Variants in COL15A1 observed in about 807,000 individuals in gnomAD.
COL15A1 encodes collagen type XV alpha 1 chain, also known as collagen alpha-1(XV) chain.
Under a neutral mutation model 165.9 loss-of-function variants are expected in COL15A1, and 111 were observed. The observed-to-expected ratio is 0.67, with a 90% confidence interval of 0.57 to 0.78. The LOEUF is 0.78. Ranked by LOEUF, COL15A1 falls within the 30% of genes least tolerant of loss-of-function variation. The pLI is 0.00. For missense variants in COL15A1, 1,745 were observed against 1,789.7 expected (o/e 0.98, Z 0.45); for synonymous variants, 659 against 674.8 (o/e 0.98, Z 0.36).
At chr9:99,044,832 AT>A (rs1391277595) in intron 26 of COL15A1, 62 bp downstream of exon 26, 1 of 1,445,190 alleles carries the variant, frequency 6.9e-7, no homozygotes, top group African/African-American at 1.4e-5. Context: ...TCATACTTTG[AT>A]TTGGTTAGAT....
chr9:98,977,648 G>A (rs910335159), intron 2 of COL15A1, among the ~76,000 whole-genome samples: 7 of 151,882 alleles, frequency 4.6e-5, no homozygotes, highest in Admixed American at 1.3e-4. Context: ...CCCTCTTGGC[G>A]GACTCTGTGG....
intron 8 of COL15A1, among the ~76,000 whole-genome samples, chr9:99,004,122 G>A (rs750430490): frequency 7.9e-5 from 12 of 152,174 alleles, no homozygotes; most frequent in Admixed American, 5.2e-4. Context: ...GGCTGGAGAG[G>A]CTCTAAGGAC....
intron 24 of COL15A1, 91 bp downstream of exon 24, chr9:99,042,198 TC>T (rs914752331): frequency 5.4e-5 from 48 of 882,200 alleles, no homozygotes; most frequent in Non-Finnish European, 8.4e-5. Context: ...ACTTTTCTCT[TC>T]TTTGAGATAC....
rs765252537 is a variant in COL15A1 at position 99,003,482 on chromosome 9, C to T, written c.1095C>T (p.Ala365=). ...KNLAATAAGL[A]EVPISTAGEA... is the part of the protein sequence containing the mutation. ...TAGCAGCAACAGCAGCGGGGCTGGC[C>T]GAGGTGCCCATCAGCACTGCTGGAG... is the stretch of plus-strand genomic sequence containing the variant. The change falls in exon 8 of 42, where the codon GCC becomes GCT. Residue 365 remains alanine (A), a synonymous_variant. Transcript: ENST00000375001. 1.5e-5 allele frequency: 23 copies of T among 1,539,726 alleles called. No homozygotes were observed. The highest frequency in any genetic ancestry group is 9.8e-5 in the East Asian group (4 of 40,698).
At chr9:98,975,215 G>A (rs1838124230) in intron 2 of COL15A1, among the ~76,000 whole-genome samples, 1 of 152,222 alleles carries the variant, frequency 6.6e-6, no homozygotes, top group Non-Finnish European at 1.5e-5. Context: ...GGCTTTAAAT[G>A]CTAACTAGCG....
chr9:99,020,776 C>T (rs960307567), intron 12 of COL15A1, among the ~76,000 whole-genome samples: 1 of 152,352 alleles, frequency 6.6e-6, no homozygotes, highest in Middle Eastern at 3.4e-3. Context: ...TGTGTCCGGG[C>T]TCTGGGCTCT....
At position 99,065,035 on chromosome 9, in the gene COL15A1, A is replaced by G. The variant is rs543228942; in HGVS notation, c.3652-1847A>G. Among the ~76,000 whole-genome samples the G allele has an allele frequency of 9.2e-5, 14 of 152,386 alleles. No individual in the cohort carries two copies. In the South Asian group the frequency reaches 2.9e-3, roughly 32 times the overall value. The stretch of plus-strand genomic sequence containing the variant: ...TAGCAATTTTAACATTTTGAGTGTT[A>G]TAACATTACTGTCTTCCTAAAAGTA... On this transcript the variant is annotated intron_variant, in intron 39 of 41. Coordinates refer to ENST00000375001, the MANE Select transcript of COL15A1 (RefSeq NM_001855.5).
chr9:98,979,060 A>G (rs1205160565), intron 2 of COL15A1, among the ~76,000 whole-genome samples: 1 of 152,186 alleles, frequency 6.6e-6, no homozygotes, highest in African/African-American at 2.4e-5. Flanking sequence ...AAGGAATCAC[A>G]TCTTTTGAAA....
In COL15A1 at chr9:98,944,081, C is replaced by A. The variant is rs372448914; in HGVS notation, c.11+9C>A. The A allele has an allele frequency of 9.3e-6, 15 of 1,614,032 alleles. No homozygotes were observed. The highest frequency in any genetic ancestry group is 2.2e-5 in the East Asian group (1 of 44,888). The stretch of plus-strand genomic sequence containing the variant: ...CGCGAGATGGCACCAAGGTAAGACC[C>A]GCTTCTCTGCTTCCTCGCGTCCCGG... On this transcript the variant is annotated intron_variant, in intron 1 of 41. Coordinates refer to ENST00000375001, the MANE Select transcript of COL15A1 (RefSeq NM_001855.5).
intron 2 of COL15A1, among the ~76,000 whole-genome samples, chr9:98,959,048 G>A (rs918629226): frequency 2.0e-5 from 3 of 151,736 alleles, no homozygotes; most frequent in African/African-American, 7.3e-5. Context: ...TCATGGAATG[G>A]CTGAGAAATT....
chr9:98,974,685 C>T (rs1210215622), intron 2 of COL15A1, among the ~76,000 whole-genome samples: 2 of 152,234 alleles, frequency 1.3e-5, no homozygotes, highest in Non-Finnish European at 2.9e-5. Context: ...CCTCATCCTA[C>T]TGGTCCAGCC....
Position 99,062,249 on chromosome 9 carries a change from G to A in COL15A1, c.3536G>A (p.Gly1179Glu), listed in dbSNP as rs551012402. The change falls in exon 38 of 42, where the codon GGA becomes GAA. Residue 1179 changes from glycine (G) to glutamate (E), a missense_variant. Coordinates refer to ENST00000375001, the MANE Select transcript of COL15A1 (RefSeq NM_001855.5). ...VRDGWKKLQLGELIPIPADSP... is the reference protein window; with the variant it reads ...VRDGWKKLQLEELIPIPADSP... ...AATGTACTGTTTTTCTTAAAGCTGG[G>A]AGAACTGATCCCCATTCCTGCCGAC... 4 of 1,613,612 alleles carry A rather than the reference G, an allele frequency of 2.5e-6. No homozygotes were observed. The highest frequency in any genetic ancestry group is 1.7e-5 in the Admixed American group (1 of 59,992).
Position 99,044,783 on chromosome 9 carries a change from G to A in COL15A1, c.2679+13G>A, listed in dbSNP as rs201281345. The A allele has an allele frequency of 1.2e-3, 1,858 of 1,611,400 alleles. 4 individuals are homozygous for A. The highest frequency in any genetic ancestry group is 1.9e-3 in the Admixed American group (113 of 60,012). ...CCCAGGACCAATGGTAAGTCAGAGC[G>A]TCTCTCAGCTGGATCTGGGCTGGGG... On this transcript the variant is annotated intron_variant, in intron 26 of 41. Coordinates refer to ENST00000375001, the MANE Select transcript of COL15A1 (RefSeq NM_001855.5).
rs757336708 is a variant in COL15A1 at position 99,052,384 on chromosome 9, C to T, written c.2905-4C>T. 3 of 1,611,198 alleles carry T rather than the reference C, an allele frequency of 1.9e-6. No homozygotes were observed. The highest frequency in any genetic ancestry group is 2.7e-5 in the African/African-American group (2 of 74,890). On this transcript the variant is annotated splice_polypyrimidine_tract_variant and splice_region_variant and intron_variant, in intron 30 of 41. Transcript: ENST00000375001. ...TGCCTAACCTGGCCTTCCTCTCTTTCCAGGTTGATACTGCTCATCCTGGGA... is the reference window on the plus strand; with the variant it reads ...TGCCTAACCTGGCCTTCCTCTCTTTTCAGGTTGATACTGCTCATCCTGGGA...
intron 16 of COL15A1, among the ~76,000 whole-genome samples, chr9:99,032,648 C>T (rs1350256137): frequency 6.6e-6 from 1 of 152,154 alleles, no homozygotes; most frequent in Non-Finnish European, 1.5e-5. Flanking sequence ...TCCTCTGCCA[C>T]TCCAATTAAA....
chr9:99,001,072 A>C (rs1278560365), intron 7 of COL15A1, 121 bp downstream of exon 7: 4 of 671,612 alleles, frequency 6.0e-6, no homozygotes, highest in Non-Finnish European at 1.1e-5. Context: ...GAATAGCATC[A>C]AGATTGCTTC....
Position 99,054,672 on chromosome 9 carries a change from T to G in COL15A1, c.3031+16T>G. ...GGACCACCAGGTATTCCAGCTCTTG[T>G]TCTCAATCTTGCCTTTGATTTTTTG... On this transcript the variant is annotated intron_variant, in intron 32 of 41. Coordinates refer to ENST00000375001, the MANE Select transcript of COL15A1 (RefSeq NM_001855.5). 1 of 1,596,370 alleles carries G rather than the reference T, an allele frequency of 6.3e-7. No homozygotes were observed. Among genetic ancestry groups the G allele is most frequent in the African/African-American group, 1.4e-5 (1 of 73,532 alleles).
intron 30 of COL15A1, among the ~76,000 whole-genome samples, chr9:99,050,385 A>T (rs1199454342): frequency 5.3e-5 from 8 of 152,184 alleles, no homozygotes; most frequent in Non-Finnish European, 1.5e-5. Flanking sequence ...TGACTCAGAG[A>T]AGCTCACTGG....
At chr9:99,044,078 A>G (rs1839455023) in intron 24 of COL15A1, among the ~76,000 whole-genome samples, 2 of 152,178 alleles carry the variant, frequency 1.3e-5, no homozygotes, top group Middle Eastern at 6.8e-3. Flanking sequence ...TCCTAATTTC[A>G]GGTGTTTTAA....
Sources: gnomAD v4.1 joint callset for allele counts (sites outside exome capture counted in the v4.1 genomes callset) on GRCh38, gnomAD v4.1.1 for gene constraint, MANE v1.5 for transcripts, NCBI Gene and HGNC (gene_info 2026-07-23, HGNC 2026-07-21) for gene names.